GALNT17: variants seen among roughly 807,000 people sequenced by gnomAD.
The protein encoded by GALNT17 is UDP-GalNAc:polypeptide N-acetylgalactosaminyltransferase-like 3.
GALNT17 carries 29 observed loss-of-function variants against 63.7 expected under a neutral mutation model. That is an observed-to-expected ratio of 0.46 (90% CI 0.34 to 0.62). The LOEUF is 0.62. GALNT17 is among the 20% of genes least tolerant of loss of function. The probability of loss-of-function intolerance (pLI) is 0.01; values close to 1 mark genes in which losing one functional copy is unlikely to be tolerated. For missense variants in GALNT17, 603 were observed against 799.6 expected, an observed-to-expected ratio of 0.75 and a Z score of 2.97; for synonymous variants, 305 against 318.3, an observed-to-expected ratio of 0.96 and a Z score of 0.45.
intron 5 of GALNT17, among the ~76,000 whole-genome samples, chr7:71,481,542 G>A (rs1464083879): frequency 6.6e-6 from 1 of 152,200 alleles, no homozygotes; most frequent in African/African-American, 2.4e-5. Context: ...TCTTCCTTGT[G>A]TGTTTTCCAG....
intron 1 of GALNT17, among the ~76,000 whole-genome samples, chr7:71,249,579 T>C (rs941789630): frequency 2.0e-5 from 3 of 152,242 alleles, no homozygotes; most frequent in African/African-American, 7.2e-5. Context: ...TTTTTTCCTC[T>C]CATTAAAATA....
At chr7:71,655,622 G>GT (rs2117030014) in intron 6 of GALNT17, among the ~76,000 whole-genome samples, 1 of 152,320 alleles carries the variant, frequency 6.6e-6, no homozygotes, top group Admixed American at 6.5e-5. Context: ...AAGAATGCAT[G>GT]TGCCTGACTT....
chr7:71,167,089 G>T (rs1411108039), intron 1 of GALNT17, among the ~76,000 whole-genome samples: 1 of 130,628 alleles, frequency 7.7e-6, no homozygotes, highest in Non-Finnish European at 1.6e-5. Flanking sequence ...GTCTCTCTGT[G>T]TTGCCCAGGC....
At chr7:71,569,414 A>G (rs1173101606) in intron 5 of GALNT17, among the ~76,000 whole-genome samples, 2 of 149,804 alleles carry the variant, frequency 1.3e-5, no homozygotes, top group Non-Finnish European at 3.0e-5. Flanking sequence ...TAGTTTTTCA[A>G]CTCTCCCCTC....
At chr7:71,542,267 G>A (rs1023187554) in intron 5 of GALNT17, among the ~76,000 whole-genome samples, 5 of 151,988 alleles carry the variant, frequency 3.3e-5, no homozygotes, top group African/African-American at 9.7e-5. Context: ...CTTCTAGGAA[G>A]GTGGCCCATA....
chr7:71,661,837 C>T (rs975228419), intron 6 of GALNT17, among the ~76,000 whole-genome samples: 2 of 152,118 alleles, frequency 1.3e-5, no homozygotes, highest in Admixed American at 1.3e-4. Context: ...GGCTGATATC[C>T]ACACCACAGA....
At chr7:71,689,798 A>T (rs1408225400) in intron 9 of GALNT17, among the ~76,000 whole-genome samples, 4 of 152,218 alleles carry the variant, frequency 2.6e-5, no homozygotes, top group African/African-American at 9.6e-5. Flanking sequence ...CATAGAGAGG[A>T]GAAGTCCATG....
At chr7:71,233,085 TC>T (rs1789823388) in intron 1 of GALNT17, among the ~76,000 whole-genome samples, 1 of 152,176 alleles carries the variant, frequency 6.6e-6, no homozygotes, top group African/African-American at 2.4e-5. Context: ...AAGGGCTTCT[TC>T]ACCAACCCGG....
At chr7:71,621,538 GATGGATT>G (rs1562713245) in intron 6 of GALNT17, among the ~76,000 whole-genome samples, 28 of 75,702 alleles carry the variant, frequency 3.7e-4, no homozygotes, top group South Asian at 1.2e-3. Context: ...TGGATGGATT[GATGGATT>G]GATGGATAGA....
In GALNT17 at chr7:71,269,102, G is replaced by C. The variant is rs992636672; in HGVS notation, c.239-66448G>C. On this transcript the variant is annotated intron_variant, in intron 1 of 10. Coordinates refer to ENST00000333538, the MANE Select transcript of GALNT17 (RefSeq NM_022479.3). ...GCAGGGCCTGGGAGAACCCTCAGCCGGGCCCTTTAACAGGGCTCATCTTTG... is the reference window on the plus strand; with the variant it reads ...GCAGGGCCTGGGAGAACCCTCAGCCCGGCCCTTTAACAGGGCTCATCTTTG... 3.3e-5 allele frequency among the ~76,000 whole-genome samples: 5 copies of C among 152,060 alleles called. 1 individual carries two copies. The highest frequency in any genetic ancestry group is 7.4e-5 in the Non-Finnish European group (5 of 68,006).
intron 5 of GALNT17, among the ~76,000 whole-genome samples, chr7:71,508,204 G>C (rs1788297415): frequency 6.6e-6 from 1 of 152,140 alleles, no homozygotes; most frequent in South Asian, 2.1e-4. Flanking sequence ...CCAGAGACCT[G>C]GTCTCCAGGC....
At chr7:71,284,240 A>C (rs1383242490) in intron 1 of GALNT17, 1 of 159,322 alleles carries the variant, frequency 6.3e-6, no homozygotes, top group Admixed American at 6.4e-5. Context: ...GGAAGGAACC[A>C]ACTCTGGACA....
chr7:71,642,611 G>A (rs6947665), intron 6 of GALNT17, among the ~76,000 whole-genome samples: 14,550 of 152,128 alleles, frequency 0.096, 2,130 homozygotes, highest in African/African-American at 0.32. Context: ...TGAGGCAGGT[G>A]GATCACTTGA....
intron 3 of GALNT17, among the ~76,000 whole-genome samples, chr7:71,408,910 A>G (rs562780514): frequency 2.3e-4 from 35 of 151,116 alleles, no homozygotes; most frequent in African/African-American, 6.6e-4. Context: ...GTGTGTATGT[A>G]TGTATGTATG....
intron 1 of GALNT17, among the ~76,000 whole-genome samples, chr7:71,186,260 C>T (rs961329928): frequency 2.6e-5 from 4 of 152,156 alleles, no homozygotes; most frequent in African/African-American, 7.2e-5. Flanking sequence ...CTCCCCTTTC[C>T]CCTTTATCCT....
At chr7:71,216,054 A>G (rs527715696) in intron 1 of GALNT17, among the ~76,000 whole-genome samples, 3 of 138,414 alleles carry the variant, frequency 2.2e-5, no homozygotes, top group African/African-American at 7.5e-5. Flanking sequence ...ATAAATAATA[A>G]TAATAATAAT....
chr7:71,173,632 G>C (rs1358982672), intron 1 of GALNT17, among the ~76,000 whole-genome samples: 2 of 152,028 alleles, frequency 1.3e-5, no homozygotes, highest in Non-Finnish European at 2.9e-5. Flanking sequence ...AATTAGCTGG[G>C]CATGGCGGTG....
At chr7:71,450,931 C>CTT (rs5884839) in intron 5 of GALNT17, among the ~76,000 whole-genome samples, 11 of 147,518 alleles carry the variant, frequency 7.5e-5, no homozygotes, top group South Asian at 2.2e-4. Flanking sequence ...TTTTTTTATT[C>CTT]TTTTTTTTTT....
chr7:71,442,677 G>A (rs1325650457), intron 5 of GALNT17, among the ~76,000 whole-genome samples: 1 of 152,172 alleles, frequency 6.6e-6, no homozygotes, highest in African/African-American at 2.4e-5. Flanking sequence ...CGGAAGTGTA[G>A]GCTCCTGTGT....
Sources: allele counts gnomAD v4.1 joint callset (sites outside exome capture counted in the v4.1 genomes callset), GRCh38; gene constraint gnomAD v4.1.1; transcripts MANE v1.5; gene names NCBI Gene and HGNC (gene_info 2026-07-23, HGNC 2026-07-21).